The following NIPAL3 variants were observed in gnomAD, a reference collection of about 807,000 sequenced individuals.
NIPAL3 encodes the protein NIPA-like protein 3.
NIPAL3 carries 41 observed loss-of-function variants against 47.2 expected under a neutral mutation model. The observed-to-expected ratio is 0.87, with a 90% CI of 0.68 to 1.13. The LOEUF (loss-of-function observed/expected upper bound fraction) is 1.13, where lower values mean the gene tolerates loss of function less well. Ranked by LOEUF, NIPAL3 falls within the 50% of genes most tolerant of loss-of-function variation. The pLI is 0.00. For synonymous variants in NIPAL3, 194 were observed against 209.6 expected, an observed-to-expected ratio of 0.93 and a Z score of 0.64; for missense variants, 449 against 530.1, an observed-to-expected ratio of 0.85 and a Z score of 1.50.
chr1:24,415,786 G>A, upstream of NIPAL3: 2 of 956,884 alleles, frequency 2.1e-6, no homozygotes, highest in South Asian at 9.6e-5. Context: ...AAACACTGCA[G>A]CATCTTGGCA....
chr1:24,434,825 A>G (rs769541305), intron 2 of NIPAL3, among the ~76,000 whole-genome samples: 1 of 152,202 alleles, frequency 6.6e-6, no homozygotes, highest in East Asian at 1.9e-4. Context: ...GTATAAATTT[A>G]ACAACACGCT....
At position 24,442,196 on chromosome 1, in the gene NIPAL3, A is replaced by G. The variant is rs201887769; in HGVS notation, c.304A>G (p.Ile102Val). 22 of 1,614,054 alleles carry G rather than the reference A, an allele frequency of 1.4e-5. No individual in the cohort carries two copies. In the African/African-American group the frequency reaches 2.7e-4, roughly 20 times the overall value. Residue 102 changes from isoleucine (I) to valine (V), a missense_variant, in exon 4 of 12, where the codon ATC becomes GTC. Coordinates refer to ENST00000374399, the MANE Select transcript of NIPAL3 (RefSeq NM_020448.5). Reference protein sequence around the residue: ...ASYAFAPLSLIVPLSAVSVIA... With the variant: ...ASYAFAPLSLVVPLSAVSVIA... ...CTACGCCTTCGCGCCGCTGTCACTC[A>G]TCGTGCCCCTCAGCGCAGTTTCTGT...
At chr1:24,444,833 G>A (rs938413597) in intron 4 of NIPAL3, among the ~76,000 whole-genome samples, 1 of 152,134 alleles carries the variant, frequency 6.6e-6, no homozygotes, top group African/African-American at 2.4e-5. Context: ...TCATGATCTC[G>A]AGTGGGCCCT....
chr1:24,426,779 G>C (rs752025158), intron 2 of NIPAL3, among the ~76,000 whole-genome samples: 4 of 152,172 alleles, frequency 2.6e-5, no homozygotes, highest in African/African-American at 4.8e-5. Flanking sequence ...TCAATGGACA[G>C]TGTCAATTCT....
chr1:24,426,607 A>G (rs970085430), intron 2 of NIPAL3, among the ~76,000 whole-genome samples: 3 of 152,116 alleles, frequency 2.0e-5, no homozygotes, highest in African/African-American at 7.2e-5. Flanking sequence ...GGGAGGCCTC[A>G]TACTTCCTCA....
At chr1:24,418,360 G>A (rs112228190) in intron 1 of NIPAL3, among the ~76,000 whole-genome samples, 2 of 152,208 alleles carry the variant, frequency 1.3e-5, no homozygotes, top group Non-Finnish European at 2.9e-5. Context: ...ATTTTGAGAA[G>A]TGGCACACAC....
chr1:24,465,588 T>A (rs1244542482), intron 11 of NIPAL3: 2 of 152,916 alleles, frequency 1.3e-5, no homozygotes, highest in African/African-American at 4.8e-5. Flanking sequence ...AGGGAGACCC[T>A]GCCCTTGCAG....
At chr1:24,427,152 C>T (rs935169307) in intron 2 of NIPAL3, among the ~76,000 whole-genome samples, 6 of 152,184 alleles carry the variant, frequency 3.9e-5, no homozygotes, top group Admixed American at 3.9e-4. Flanking sequence ...ACTACCCATT[C>T]CCTCCCTGCA....
upstream of NIPAL3, chr1:24,414,753 C>G (rs1423701256): frequency 3.3e-5 from 5 of 152,052 alleles, no homozygotes; most frequent in African/African-American, 1.2e-4. Flanking sequence ...CCAGGCTGGT[C>G]TCAAACTCCT....
chr1:24,423,557 G>A (rs1470557026), intron 2 of NIPAL3, among the ~76,000 whole-genome samples: 1 of 152,114 alleles, frequency 6.6e-6, no homozygotes, highest in Non-Finnish European at 1.5e-5. Context: ...GTGAACCCGG[G>A]AGGCAGAGCT....
At position 24,416,942 on chromosome 1, in the gene NIPAL3, C is replaced by T. The variant is rs1644073611; in HGVS notation, c.-258+1038C>T. The stretch of plus-strand genomic sequence containing the variant: ...AAGCAAAACCAGAAAAGCACTTGGG[C>T]AAACTACTCTGAAGGATGTTAGGAG... On this transcript the variant is annotated intron_variant, in intron 1 of 11. Coordinates refer to ENST00000374399, the MANE Select transcript of NIPAL3 (RefSeq NM_020448.5). The surrounding 1 kb of genome is among the most constrained non-coding windows in gnomAD (Gnocchi z 4.8). 1 of 152,380 alleles carries T rather than the reference C, an allele frequency of 6.6e-6. No individual in the cohort carries two copies. Among genetic ancestry groups the T allele is most frequent in the Non-Finnish European group, 1.5e-5 (1 of 68,070 alleles). The allele number at this position is 152,380 out of a possible 1,614,324, so 9.4% of individuals were successfully genotyped here.
rs878886249 is a variant in NIPAL3 at position 24,459,180 on chromosome 1, C to T, written c.862+204C>T. Among the ~76,000 whole-genome samples, 5 of 152,334 alleles carry T rather than the reference C, an allele frequency of 3.3e-5. No individual in the cohort carries two copies. In the South Asian group the frequency reaches 6.2e-4, roughly 19 times the overall value. The stretch of plus-strand genomic sequence containing the variant: ...CATCAGCTCTGCAAACATCACTTAA[C>T]CTCTCTGAGCCTCAGCTCCACATTC... On this transcript the variant is annotated intron_variant, in intron 9 of 11. Transcript: ENST00000374399.
In NIPAL3 at chr1:24,464,063, C is replaced by G; in HGVS notation, c.964C>G (p.Arg322Gly). 1.2e-6 allele frequency: 2 copies of G among 1,613,274 alleles called. No individual in the cohort carries two copies. Among genetic ancestry groups the G allele is most frequent in the Non-Finnish European group, 1.7e-6 (2 of 1,179,474 alleles). The change falls in exon 11 of 12, where the codon CGT becomes GGT. Residue 322 changes from arginine (R) to glycine (G), a missense_variant. By Grantham distance (125) the Arg-to-Gly change is moderately radical (BLOSUM62 -2). Coordinates refer to ENST00000374399, the MANE Select transcript of NIPAL3 (RefSeq NM_020448.5). ...ATTCTTGGGCGTCTTCTTAATCACG[C>G]GTAACAGGAAGAAGCCCATTCCATT... ...IAFLGVFLIT[R>G]NRKKPIPFEP...
At chr1:24,456,965 G>A (rs1646243667) in intron 8 of NIPAL3, among the ~76,000 whole-genome samples, 1 of 152,112 alleles carries the variant, frequency 6.6e-6, no homozygotes, top group African/African-American at 2.4e-5. Context: ...ATTTCACTTT[G>A]TGGGCCAGGC....
intron 11 of NIPAL3, among the ~76,000 whole-genome samples, chr1:24,467,634 GA>G (rs1458340558): frequency 1.3e-5 from 2 of 152,208 alleles, no homozygotes; most frequent in East Asian, 3.8e-4. Context: ...GATCAAATGA[GA>G]TAGAACTTTA....
intron 2 of NIPAL3, among the ~76,000 whole-genome samples, chr1:24,430,681 T>C (rs1307638319): frequency 6.6e-6 from 1 of 152,218 alleles, no homozygotes; most frequent in Non-Finnish European, 1.5e-5. Context: ...TACTGGACAC[T>C]CCTAATTACA....
At chr1:24,417,681 C>G (rs532416955) in intron 1 of NIPAL3, among the ~76,000 whole-genome samples, 2 of 152,322 alleles carry the variant, frequency 1.3e-5, no homozygotes, top group African/African-American at 4.8e-5. Context: ...CAAAGTGAAA[C>G]CAAGCCAAAT....
intron 8 of NIPAL3, among the ~76,000 whole-genome samples, 160 bp from the exon 9 acceptor site, chr1:24,458,728 G>T (rs1049546997): frequency 7.2e-5 from 11 of 152,108 alleles, no homozygotes; most frequent in African/African-American, 2.7e-4. Context: ...CCAGACTAGG[G>T]ATACACAATG....
rs186957122 is a variant in NIPAL3, at chr1:24,447,978, C to T, written c.395-1503C>T. The stretch of plus-strand genomic sequence containing the variant: ...CACTCAGTGCTAGACCTGTGTTGGA[C>T]GCTGCAGGTGTGGAGATGAGTAAGA... On this transcript the variant is annotated intron_variant, in intron 5 of 11. Transcript: ENST00000374399. 2.9e-4 allele frequency among the ~76,000 whole-genome samples: 44 copies of T among 152,318 alleles called. No individual in the cohort carries two copies. The East Asian group carries it at 4.2e-3, about 15-fold the overall frequency.
Sources: gnomAD v4.1 joint callset for allele counts (sites outside exome capture counted in the v4.1 genomes callset) on GRCh38, gnomAD v4.1.1 for gene constraint, Gnocchi (gnomAD v3.1) non-coding constraint, MANE v1.5 for transcripts, NCBI Gene and HGNC (gene_info 2026-07-23, HGNC 2026-07-21) for gene names.